PHACTR3: variants seen among roughly 807,000 people sequenced by gnomAD.
PHACTR3 encodes protein phosphatase 1, regulatory subunit 123.
Under a neutral mutation model 66.8 loss-of-function variants are expected in PHACTR3, and 16 were observed. The ratio of observed to expected loss-of-function variants is 0.24; its 90% CI spans 0.16 to 0.36. PHACTR3 has a LOEUF of 0.36. Ranked by LOEUF, PHACTR3 falls within the 10% of genes least tolerant of loss-of-function variation. The pLI is 1.00. For missense variants in PHACTR3, 647 were observed against 719.9 expected, an observed-to-expected ratio of 0.90 and a Z score of 1.16; for synonymous variants, 323 against 292.1, an observed-to-expected ratio of 1.11 and a Z score of -1.08.
At chr20:59,768,312 C>T (rs368382532) in intron 5 of PHACTR3, among the ~76,000 whole-genome samples, 8 of 152,254 alleles carry the variant, frequency 5.3e-5, no homozygotes, top group East Asian at 1.9e-4. Flanking sequence ...AGGCTGTGGG[C>T]GTGAAACATG....
intron 4 of PHACTR3, among the ~76,000 whole-genome samples, chr20:59,760,388 T>C (rs1301304028): frequency 6.6e-6 from 1 of 152,188 alleles, no homozygotes; most frequent in Non-Finnish European, 1.5e-5. Flanking sequence ...AAATCTCATC[T>C]TGAATTGTAG....
At chr20:59,731,944 T>C (rs1380274234) in intron 1 of PHACTR3, among the ~76,000 whole-genome samples, 1 of 152,180 alleles carries the variant, frequency 6.6e-6, no homozygotes, top group Non-Finnish European at 1.5e-5. Context: ...TTCAAAGTTC[T>C]TAGTCCTGGG....
intron 7 of PHACTR3, among the ~76,000 whole-genome samples, chr20:59,779,738 G>A (rs1317597824): frequency 6.6e-6 from 1 of 152,234 alleles, no homozygotes; most frequent in East Asian, 1.9e-4. Context: ...GAATGCATCT[G>A]CATGAGAATT....
At chr20:59,605,860 G>GGGGGGGGT (rs2033650353) in intron 1 of PHACTR3, among the ~76,000 whole-genome samples, 1 of 15,366 alleles carries the variant, frequency 6.5e-5, no homozygotes, top group African/African-American at 2.5e-4. Context: ...GGGGGAGGTG[G>GGGGGGGGT]GGGGGGGGGT....
chr20:59,661,387 T>C (rs1329261094), intron 1 of PHACTR3, among the ~76,000 whole-genome samples: 1 of 152,090 alleles, frequency 6.6e-6, no homozygotes, highest in Non-Finnish European at 1.5e-5. Flanking sequence ...ACGTTGCTAA[T>C]GGAGAGAGCA....
intron 1 of PHACTR3, among the ~76,000 whole-genome samples, chr20:59,717,211 G>A (rs139262056): frequency 1.6e-3 from 250 of 152,246 alleles, no homozygotes; most frequent in African/African-American, 5.8e-3. Flanking sequence ...TTTATTTAGT[G>A]TATTCTTTTT....
At chr20:59,655,680 T>A (rs1228220093) in intron 1 of PHACTR3, among the ~76,000 whole-genome samples, 1 of 151,970 alleles carries the variant, frequency 6.6e-6, no homozygotes, top group Non-Finnish European at 1.5e-5. Flanking sequence ...ATTCCTTCCT[T>A]CTGAATGTTC....
chr20:59,594,250 T>C (rs1012560138), intron 1 of PHACTR3, among the ~76,000 whole-genome samples: 1 of 152,208 alleles, frequency 6.6e-6, no homozygotes, highest in African/African-American at 2.4e-5. Flanking sequence ...TGCTGGTTTA[T>C]AGAAAGAGAT....
chr20:59,600,219 C>T (rs1332905105), upstream of PHACTR3, among the ~76,000 whole-genome samples: 1 of 152,200 alleles, frequency 6.6e-6, no homozygotes, highest in Non-Finnish European at 1.5e-5. Context: ...ATCACTTCTT[C>T]AAACCAGGCT....
At chr20:59,729,504 C>T (rs908701598) in intron 1 of PHACTR3, among the ~76,000 whole-genome samples, 2 of 152,118 alleles carry the variant, frequency 1.3e-5, no homozygotes, top group African/African-American at 2.4e-5. Flanking sequence ...TGATGAAGAG[C>T]GAGGGGCCAG....
At position 59,655,078 on chromosome 20, in the gene PHACTR3, A is replaced by C. The variant is rs151208390; in HGVS notation, c.118+49946A>C. ...TTTGCGGATCTATGTTTTTATTTTA[A>C]TTGTGTAAATTATAAAAGTGAAATT... is the stretch of plus-strand genomic sequence containing the variant. On this transcript the variant is annotated intron_variant, in intron 1 of 12. Coordinates refer to ENST00000371015, the MANE Select transcript of PHACTR3 (RefSeq NM_080672.5). Among the ~76,000 whole-genome samples the C allele has an allele frequency of 8.7e-3, 1,319 of 152,090 alleles. 20 individuals carry two copies. The highest frequency in any genetic ancestry group is 0.03 in the African/African-American group (1,239 of 41,528).
chr20:59,744,244 C>T (rs564167862), intron 2 of PHACTR3, among the ~76,000 whole-genome samples: 1 of 152,374 alleles, frequency 6.6e-6, no homozygotes, highest in African/African-American at 2.4e-5. Flanking sequence ...CAGGGTCACA[C>T]AGCCAGCAGG....
At chr20:59,784,561 G>GAGA (rs759605609) in intron 7 of PHACTR3, among the ~76,000 whole-genome samples, 77 of 152,166 alleles carry the variant, frequency 5.1e-4, no homozygotes, top group Non-Finnish European at 8.8e-5. Context: ...GCGTGGAGAT[G>GAGA]AGACGCGTGA....
chr20:59,686,845 A>G (rs1017661759), intron 1 of PHACTR3, among the ~76,000 whole-genome samples: 4 of 140,440 alleles, frequency 2.8e-5, no homozygotes, highest in Non-Finnish European at 4.7e-5. Flanking sequence ...GATGATGGTG[A>G]TGATGGTGAT....
chr20:59,755,839 C>T (rs2039772460), intron 4 of PHACTR3, among the ~76,000 whole-genome samples: 2 of 152,162 alleles, frequency 1.3e-5, no homozygotes, highest in Admixed American at 1.3e-4. Context: ...TGCCTGGGAG[C>T]TGGTCGGTGC....
intron 1 of PHACTR3, among the ~76,000 whole-genome samples, chr20:59,625,850 C>T (rs973751877): frequency 8.5e-5 from 13 of 152,146 alleles, no homozygotes; most frequent in African/African-American, 2.9e-4. Flanking sequence ...TGAGGCTTCT[C>T]TGTTCGTTTC....
intron 1 of PHACTR3, among the ~76,000 whole-genome samples, chr20:59,647,905 G>A (rs902395397): frequency 2.6e-5 from 4 of 152,146 alleles, no homozygotes; most frequent in Non-Finnish European, 5.9e-5. Flanking sequence ...TCTACTTTTT[G>A]CCAGCCTTGC....
chr20:59,772,903 G>T (rs193166442), intron 5 of PHACTR3, among the ~76,000 whole-genome samples: 31 of 152,290 alleles, frequency 2.0e-4, no homozygotes, highest in Admixed American at 1.6e-3. Context: ...GCTCATCCAG[G>T]CTGAAGGGTG....
At chr20:59,844,654 G>T (rs575478634) in intron 11 of PHACTR3, 1 of 152,266 alleles carries the variant, frequency 6.6e-6, no homozygotes, top group East Asian at 1.9e-4. Context: ...GTAGACAGTA[G>T]AATGATAGAT....
Sources: allele counts gnomAD v4.1 joint callset (sites outside exome capture counted in the v4.1 genomes callset), GRCh38; gene constraint gnomAD v4.1.1; transcripts MANE v1.5; gene names NCBI Gene and HGNC (gene_info 2026-07-23, HGNC 2026-07-21).